METTL15: variants seen among roughly 807,000 people sequenced by gnomAD.
METTL15 encodes the protein methyltransferase 15, mitochondrial 12S rRNA N4-cytidine, also known as 12S rRNA N(4)-cytidine methyltransferase METTL15.
In METTL15, 34 loss-of-function variants were observed where a neutral mutation model predicts 38.3. The observed-to-expected ratio is 0.89, with a 90% confidence interval of 0.68 to 1.18. The LOEUF (loss-of-function observed/expected upper bound fraction) is 1.18, where lower values mean the gene tolerates loss of function less well. Among genes scored for constraint, METTL15 ranks in the 50% most tolerant of loss-of-function variants. METTL15 has a pLI of 0.00. For synonymous variants in METTL15, 162 were observed against 170.9 expected, an observed-to-expected ratio of 0.95 and a Z score of 0.41; for missense variants, 438 against 498.4, an observed-to-expected ratio of 0.88 and a Z score of 1.15.
rs578164698 is a variant in METTL15 at position 28,509,487 on chromosome 11, A to T, written c.*425-16991A>T. 3.8e-4 allele frequency among the ~76,000 whole-genome samples: 41 copies of T among 108,122 alleles called. 1 individual carries two copies. The South Asian group carries it at 0.011, about 29-fold the overall frequency. The allele number at this position is 108,122 out of a possible 152,430, so 70.9% of individuals were successfully genotyped here. A position where few individuals can be genotyped will look rare whatever the true frequency, so the allele number is the denominator to read the frequency against. On this transcript the variant is annotated intron_variant and NMD_transcript_variant, in intron 6 of 7. Coordinates refer to the METTL15 transcript ENST00000532947. ...GTTGCACTAAGTCAATCCTTTATTT[A>T]AAAAAAAAAAAAAAGCAAGACTTAT...
chr11:28,391,899 A>T (rs559510012), intron 5 of METTL15, among the ~76,000 whole-genome samples: 2 of 152,236 alleles, frequency 1.3e-5, no homozygotes, highest in South Asian at 2.1e-4. Context: ...CAGGACATAG[A>T]CATGGGTAAG....
At chr11:28,413,698 T>C (rs1297309711) in intron 5 of METTL15, among the ~76,000 whole-genome samples, 1 of 152,146 alleles carries the variant, frequency 6.6e-6, no homozygotes, top group African/African-American at 2.4e-5. Flanking sequence ...AACATCTTAA[T>C]GTGGCTCATA....
intron 3 of METTL15, among the ~76,000 whole-genome samples, chr11:28,176,425 G>C (rs1040324445): frequency 1.3e-5 from 2 of 152,248 alleles, no homozygotes; most frequent in African/African-American, 4.8e-5. Flanking sequence ...CAGAATCCTT[G>C]CCTTACGATT....
intron 6 of METTL15, among the ~76,000 whole-genome samples, chr11:28,433,015 A>C (rs1850946480): frequency 6.6e-6 from 1 of 152,080 alleles, no homozygotes; most frequent in Non-Finnish European, 1.5e-5. Context: ...AAGATGCCAA[A>C]AACCTATATT....
intron 5 of METTL15, among the ~76,000 whole-genome samples, chr11:28,396,899 A>G (rs1442714280): frequency 6.6e-6 from 1 of 152,170 alleles, no homozygotes; most frequent in Non-Finnish European, 1.5e-5. Context: ...AGAGAAATAG[A>G]CCAATGGAAC....
intron 4 of METTL15, among the ~76,000 whole-genome samples, chr11:28,266,308 C>A (rs867081299): frequency 4.6e-5 from 7 of 152,102 alleles, no homozygotes; most frequent in Middle Eastern, 3.2e-3. Flanking sequence ...TGGAAACAAC[C>A]CAAATGTCCA....
chr11:28,376,637 T>G (rs534772952), intron 5 of METTL15, among the ~76,000 whole-genome samples: 1 of 152,302 alleles, frequency 6.6e-6, no homozygotes, highest in East Asian at 1.9e-4. Context: ...TGTCTTTTAA[T>G]TGGAGCATTT....
intron 5 of METTL15, among the ~76,000 whole-genome samples, chr11:28,366,557 C>G (rs539192373): frequency 4.6e-5 from 7 of 152,112 alleles, no homozygotes; most frequent in Non-Finnish European, 8.8e-5. Flanking sequence ...AGCAGTGAGT[C>G]CCTTCACCCA....
intron 6 of METTL15, among the ~76,000 whole-genome samples, chr11:28,311,092 T>G (rs192853027): frequency 3.3e-5 from 5 of 152,090 alleles, no homozygotes; most frequent in African/African-American, 1.2e-4. Flanking sequence ...CACAGCAGTT[T>G]GTTCATCTTT....
intron 6 of METTL15, among the ~76,000 whole-genome samples, chr11:28,427,434 A>G (rs1850875702): frequency 6.6e-6 from 1 of 152,152 alleles, no homozygotes; most frequent in Non-Finnish European, 1.5e-5. Context: ...TTGGTTCCAT[A>G]TGAATATTAA....
At chr11:28,138,119 T>G (rs1849575608) in intron 3 of METTL15, among the ~76,000 whole-genome samples, 2 of 151,708 alleles carry the variant, frequency 1.3e-5, no homozygotes, top group Non-Finnish European at 2.9e-5. Flanking sequence ...ACAAGGGATT[T>G]TTTTTTTTTC....
At chr11:28,414,343 T>C (rs1850753809) in intron 5 of METTL15, among the ~76,000 whole-genome samples, 2 of 152,000 alleles carry the variant, frequency 1.3e-5, no homozygotes, top group South Asian at 2.1e-4. Context: ...AACTTCTCTT[T>C]CCGAACCTGT....
At chr11:28,177,629 G>A (rs1432936661) in intron 3 of METTL15, among the ~76,000 whole-genome samples, 1 of 151,948 alleles carries the variant, frequency 6.6e-6, no homozygotes, top group African/African-American at 2.4e-5. Context: ...TTACTTACAT[G>A]ATGAAACGAA....
chr11:28,402,488 C>A (rs1242825727), intron 5 of METTL15, among the ~76,000 whole-genome samples: 1 of 151,944 alleles, frequency 6.6e-6, no homozygotes, highest in Non-Finnish European at 1.5e-5. Context: ...ACCCTACTTA[C>A]TACTTTTTCA....
intron 4 of METTL15, among the ~76,000 whole-genome samples, chr11:28,221,506 A>T (rs186803074): frequency 6.6e-6 from 1 of 152,006 alleles, no homozygotes; most frequent in Admixed American, 6.5e-5. Flanking sequence ...ATGGGTTTGT[A>T]CTTCCTCCTT....
At chr11:28,396,758 A>G (rs1850573949) in intron 5 of METTL15, among the ~76,000 whole-genome samples, 1 of 152,166 alleles carries the variant, frequency 6.6e-6, no homozygotes, top group African/African-American at 2.4e-5. Context: ...TTCATATGGA[A>G]TCAAAAAAGA....
At chr11:28,339,690 T>C (rs1471841818) in intron 3 of METTL15, among the ~76,000 whole-genome samples, 1 of 152,180 alleles carries the variant, frequency 6.6e-6, no homozygotes, top group Non-Finnish European at 1.5e-5. Context: ...CTAAAACTGA[T>C]GAAAGACATC....
intron 5 of METTL15, among the ~76,000 whole-genome samples, chr11:28,397,731 A>G (rs564073473): frequency 5.7e-4 from 87 of 152,270 alleles, no homozygotes; most frequent in African/African-American, 1.9e-3. Flanking sequence ...CAGCCATCCT[A>G]TTACTGAGTA....
intron 3 of METTL15, among the ~76,000 whole-genome samples, chr11:28,150,064 C>A (rs1416254934): frequency 6.6e-6 from 1 of 151,922 alleles, no homozygotes; most frequent in African/African-American, 2.4e-5. Flanking sequence ...GGGTACATCT[C>A]TTGGGCAGGC....
Sources: allele counts gnomAD v4.1 joint callset (sites outside exome capture counted in the v4.1 genomes callset), GRCh38; gene constraint gnomAD v4.1.1; transcripts MANE v1.5; gene names NCBI Gene and HGNC (gene_info 2026-07-23, HGNC 2026-07-21).